The following FHIT variants were observed in gnomAD, a reference collection of about 807,000 sequenced individuals.
FHIT encodes the protein fragile histidine triad diadenosine triphosphatase.
In FHIT, 19 loss-of-function variants were observed where a neutral mutation model predicts 17.9. The ratio of observed to expected loss-of-function variants is 1.06; its 90% CI spans 0.74 to 1.56. The LOEUF (loss-of-function observed/expected upper bound fraction) is 1.56. FHIT is among the 40% of genes most tolerant of loss of function. FHIT has a pLI of 0.00. For missense variants in FHIT, 248 were observed against 189.2 expected (o/e 1.31, Z -1.82); for synonymous variants, 81 against 69.7 (o/e 1.16, Z -0.81).
chr3:60,624,940 G>C, intron 4 of FHIT, among the ~76,000 whole-genome samples: 1 of 150,254 alleles, frequency 6.7e-6, no homozygotes, highest in African/African-American at 2.4e-5. Context: ...AGACAGTCTT[G>C]CCCTGTTGCT....
chr3:60,231,011 A>G (rs1026340311), intron 5 of FHIT, among the ~76,000 whole-genome samples: 1 of 152,192 alleles, frequency 6.6e-6, no homozygotes, highest in Admixed American at 6.5e-5. Flanking sequence ...TGGCCTTAAA[A>G]TATTTCAATA....
intron 7 of FHIT, among the ~76,000 whole-genome samples, chr3:59,984,877 T>G (rs1178231447): frequency 6.6e-6 from 1 of 151,982 alleles, no homozygotes; most frequent in Non-Finnish European, 1.5e-5. Flanking sequence ...AACAGCAACT[T>G]CAAATGTGGT....
At chr3:60,265,677 A>G (rs938860211) in intron 5 of FHIT, among the ~76,000 whole-genome samples, 16 of 152,040 alleles carry the variant, frequency 1.1e-4, no homozygotes, top group African/African-American at 3.9e-4. Context: ...CAAATCACAT[A>G]TCTGAGAAGG....
chr3:60,578,514 C>A (rs1012544009), intron 4 of FHIT, among the ~76,000 whole-genome samples: 2 of 151,286 alleles, frequency 1.3e-5, no homozygotes, highest in Non-Finnish European at 2.9e-5. Flanking sequence ...GTTATTCAAC[C>A]TATAGTTTAT....
chr3:59,887,295 G>A (rs1017376222), intron 8 of FHIT, among the ~76,000 whole-genome samples: 1 of 152,166 alleles, frequency 6.6e-6, no homozygotes, highest in African/African-American at 2.4e-5. Flanking sequence ...CTGTTCGCTG[G>A]AGTCTGAGCA....
chr3:60,458,885 C>G (rs961915813), intron 5 of FHIT, among the ~76,000 whole-genome samples: 1 of 152,100 alleles, frequency 6.6e-6, no homozygotes, highest in Non-Finnish European at 1.5e-5. Flanking sequence ...AGGGATCCTC[C>G]CACCTTAGCC....
At chr3:60,921,912 A>T (rs1252146677) in intron 3 of FHIT, among the ~76,000 whole-genome samples, 3 of 152,208 alleles carry the variant, frequency 2.0e-5, no homozygotes, top group African/African-American at 7.2e-5. Context: ...TAGTAATTTA[A>T]TAATGTAGTC....
At chr3:60,387,224 C>G (rs1166985451) in intron 5 of FHIT, among the ~76,000 whole-genome samples, 1 of 152,032 alleles carries the variant, frequency 6.6e-6, no homozygotes, top group Admixed American at 6.6e-5. Context: ...CTCCCGACCT[C>G]AAGTGATCCA....
At chr3:60,335,302 A>C (rs896018262) in intron 5 of FHIT, among the ~76,000 whole-genome samples, 4 of 152,230 alleles carry the variant, frequency 2.6e-5, no homozygotes, top group African/African-American at 9.6e-5. Flanking sequence ...TGCACCAAAA[A>C]TATCTAGAAA....
At chr3:59,766,762 G>A (rs1559586641) in intron 8 of FHIT, among the ~76,000 whole-genome samples, 1 of 152,134 alleles carries the variant, frequency 6.6e-6, no homozygotes, top group Non-Finnish European at 1.5e-5. Flanking sequence ...CTATCATTGG[G>A]GAATGAAACA....
chr3:60,690,191 T>G, intron 4 of FHIT: 2 of 477,888 alleles, frequency 4.2e-6, no homozygotes, highest in Non-Finnish European at 8.1e-6. Context: ...GAAGAAATGG[T>G]CTGGTGGTTA....
intron 5 of FHIT, among the ~76,000 whole-genome samples, chr3:60,188,719 A>G (rs755962888): frequency 1.8e-4 from 27 of 152,198 alleles, no homozygotes; most frequent in Non-Finnish European, 3.2e-4. Context: ...ATCTATTTCT[A>G]TTAAAGACAA....
intron 4 of FHIT, among the ~76,000 whole-genome samples, chr3:60,566,791 C>G (rs955824783): frequency 6.6e-5 from 10 of 151,332 alleles, no homozygotes; most frequent in African/African-American, 2.4e-4. Flanking sequence ...GTGCAAAAAT[C>G]ACAAGCATTC....
chr3:60,410,928 T>C (rs1038080356), intron 5 of FHIT, among the ~76,000 whole-genome samples: 1 of 152,152 alleles, frequency 6.6e-6, no homozygotes, highest in African/African-American at 2.4e-5. Flanking sequence ...TTTTGGTCTT[T>C]GCAAAATATG....
chr3:60,060,049 AATGGTAGTC>A (rs1269861206), intron 5 of FHIT, among the ~76,000 whole-genome samples: 2 of 152,076 alleles, frequency 1.3e-5, no homozygotes, highest in Admixed American at 6.6e-5. Context: ...ATGGGGGAAA[AATGGTAGTC>A]ATCCAATTTC....
chr3:60,798,094 T>C (rs1701050564), intron 4 of FHIT, among the ~76,000 whole-genome samples: 1 of 152,192 alleles, frequency 6.6e-6, no homozygotes, highest in African/African-American at 2.4e-5. Context: ...ACAACGACTC[T>C]TCTCTGTCAC....
intron 4 of FHIT, among the ~76,000 whole-genome samples, chr3:60,742,896 G>T (rs1265447166): frequency 6.6e-6 from 1 of 152,206 alleles, no homozygotes; most frequent in Non-Finnish European, 1.5e-5. Flanking sequence ...GGAAAAGTAG[G>T]AACGTTTTTC....
intron 5 of FHIT, among the ~76,000 whole-genome samples, chr3:60,302,235 T>C (rs1385396810): frequency 2.0e-5 from 3 of 152,064 alleles, no homozygotes; most frequent in African/African-American, 7.2e-5. Context: ...GAAAGCTTGG[T>C]TTTTATTGGT....
At chr3:60,959,251 T>C (rs574148821) in intron 3 of FHIT, among the ~76,000 whole-genome samples, 38 of 152,308 alleles carry the variant, frequency 2.5e-4, no homozygotes, top group African/African-American at 8.9e-4. Flanking sequence ...TCTTAACTCT[T>C]ATGAGCCTCA....
Sources: gnomAD v4.1 joint callset for allele counts (sites outside exome capture counted in the v4.1 genomes callset) on GRCh38, gnomAD v4.1.1 for gene constraint, MANE v1.5 for transcripts, NCBI Gene and HGNC (gene_info 2026-07-23, HGNC 2026-07-21) for gene names.